Variants in STRN3 observed in about 807,000 individuals in gnomAD.
The protein encoded by STRN3 is striatin-3.
Under a neutral mutation model 95.6 loss-of-function variants are expected in STRN3, and 29 were observed. That is an observed-to-expected ratio of 0.30 (90% CI 0.23 to 0.41). STRN3 has a LOEUF of 0.41. Among genes scored for constraint, STRN3 ranks in the 10% least tolerant of loss-of-function variants. The pLI is 1.00. For missense variants in STRN3, 890 were observed against 972.1 expected (o/e 0.92, Z 1.12); for synonymous variants, 331 against 357.6 (o/e 0.93, Z 0.84).
At chr14:31,017,203 T>G (rs190156425) in intron 1 of STRN3, among the ~76,000 whole-genome samples, 1 of 149,586 alleles carries the variant, frequency 6.7e-6, no homozygotes, top group South Asian at 2.1e-4. Flanking sequence ...GCATTTAGAT[T>G]ATATAAGTAA....
At chr14:30,934,895 A>G (rs1376112314) in intron 7 of STRN3, among the ~76,000 whole-genome samples, 1 of 152,194 alleles carries the variant, frequency 6.6e-6, no homozygotes, top group Non-Finnish European at 1.5e-5. Context: ...AAGAAATTGG[A>G]TTTCCAAATC....
chr14:30,971,771 A>T (rs1296451784), intron 1 of STRN3, among the ~76,000 whole-genome samples: 3 of 152,184 alleles, frequency 2.0e-5, no homozygotes, highest in Admixed American at 2.0e-4. Context: ...GATGGCTAAA[A>T]AAAAAGTAGT....
intron 16 of STRN3, among the ~76,000 whole-genome samples, chr14:30,899,994 C>T (rs757846458): frequency 3.3e-5 from 5 of 152,110 alleles, no homozygotes; most frequent in African/African-American, 4.8e-5. Flanking sequence ...CTTAGCTAAC[C>T]GGAAACAGCA....
rs1241853450 is a variant in STRN3 at position 30,902,190 on chromosome 14, AAAAAAAAAAAAAAAAAAAT to A, written c.2137+327_2137+345del. Among the ~76,000 whole-genome samples the A allele has an allele frequency of 1.5e-4, 21 of 143,562 alleles. 1 individual carries two copies. The highest frequency in any genetic ancestry group is 4.6e-4 in the African/African-American group (17 of 36,818). The allele number at this position is 143,562 out of a possible 152,430, so 94.2% of individuals were successfully genotyped here. On this transcript the variant is annotated intron_variant, in intron 16 of 17. Transcript: ENST00000357479. Reference sequence around the variant, plus strand: ...CCGCCTCAAAAAAAAAAAAAAAAAAAAAAAAAAAAAAAAAAAAATGGAAATGCCAAACACCAGAAAGAGA... The same window carrying A: ...CCGCCTCAAAAAAAAAAAAAAAAAAAGGAAATGCCAAACACCAGAAAGAGA...
At chr14:30,947,979 C>A (rs1009095900) in intron 4 of STRN3, among the ~76,000 whole-genome samples, 3 of 151,690 alleles carry the variant, frequency 2.0e-5, no homozygotes, top group Non-Finnish European at 1.5e-5. Flanking sequence ...GGCAGAAGAA[C>A]AAAAGATTTT....
chr14:30,968,863 G>A (rs997765502), intron 1 of STRN3, among the ~76,000 whole-genome samples: 3 of 152,070 alleles, frequency 2.0e-5, no homozygotes, highest in African/African-American at 7.2e-5. Flanking sequence ...TGTGCAAAGC[G>A]TGTAAGGAAA....
intron 1 of STRN3, among the ~76,000 whole-genome samples, chr14:30,963,888 C>T (rs548182436): frequency 5.9e-5 from 9 of 152,136 alleles, no homozygotes; most frequent in African/African-American, 2.2e-4. Context: ...ACAGGACATA[C>T]CAAAACTTAG....
At chr14:30,965,192 T>A (rs1880423428) in intron 1 of STRN3, among the ~76,000 whole-genome samples, 1 of 152,108 alleles carries the variant, frequency 6.6e-6, no homozygotes, top group African/African-American at 2.4e-5. Flanking sequence ...AGAAAAGAAA[T>A]ATGTCACCTA....
intron 1 of STRN3, among the ~76,000 whole-genome samples, chr14:30,990,776 A>G (rs1165502344): frequency 6.6e-6 from 1 of 152,222 alleles, no homozygotes; most frequent in Non-Finnish European, 1.5e-5. Flanking sequence ...CATATACTTT[A>G]AATTATCTCT....
At chr14:30,950,747 G>A (rs1879597496) in intron 4 of STRN3, 116 bp downstream of exon 4, 1 of 931,100 alleles carries the variant, frequency 1.1e-6, no homozygotes, top group African/African-American at 1.7e-5. Flanking sequence ...AAAAAAAGCA[G>A]CAATACAAAA....
At chr14:31,009,224 G>C (rs1344279456) in intron 1 of STRN3, among the ~76,000 whole-genome samples, 1 of 151,288 alleles carries the variant, frequency 6.6e-6, no homozygotes, top group Admixed American at 6.6e-5. Flanking sequence ...AGACATGAAA[G>C]GATATGAGAT....
chr14:30,905,652 G>A (rs1478685777), intron 14 of STRN3, 94 bp from the exon 15 acceptor site: 3 of 1,334,436 alleles, frequency 2.2e-6, no homozygotes, highest in Admixed American at 2.5e-5. Context: ...TCAGAAAAAG[G>A]AATTCAAATA....
chr14:30,903,011 T>A (rs1176939265), intron 15 of STRN3, among the ~76,000 whole-genome samples: 1 of 152,136 alleles, frequency 6.6e-6, no homozygotes, highest in East Asian at 1.9e-4. Flanking sequence ...GCTAGTCAGA[T>A]GTTTGTAAGG....
chr14:30,929,513 A>G (rs1021560468), intron 7 of STRN3, among the ~76,000 whole-genome samples: 1 of 152,182 alleles, frequency 6.6e-6, no homozygotes, highest in Non-Finnish European at 1.5e-5. Context: ...AACATTTAAT[A>G]TCAACAGTTA....
rs111704762 is a variant in STRN3, at chr14:30,913,746, C to T, written c.1241-89G>A. 1.8e-3 allele frequency: 2,540 copies of T among 1,382,764 alleles called. 29 individuals are homozygous for T. In the African/African-American group the frequency reaches 0.032, roughly 18 times the overall value. The allele number at this position is 1,382,764 out of a possible 1,614,324, so 85.7% of individuals were successfully genotyped here. The stretch of plus-strand genomic sequence containing the variant: ...GGAAAATTTAAGCACTTAACAGTTA[C>T]AATATTCAGTAATATAATTAATTTT... On this transcript the variant is annotated intron_variant, in intron 9 of 17. Transcript: ENST00000357479.
chr14:30,959,737 A>G (rs1490926271), intron 1 of STRN3, among the ~76,000 whole-genome samples: 1 of 152,064 alleles, frequency 6.6e-6, no homozygotes, highest in Non-Finnish European at 1.5e-5. Flanking sequence ...GTGGGGGAGA[A>G]TTGCTTGAGC....
chr14:30,951,314 C>T (rs542484248), intron 3 of STRN3, among the ~76,000 whole-genome samples: 2 of 152,080 alleles, frequency 1.3e-5, no homozygotes, highest in African/African-American at 4.8e-5. Flanking sequence ...CGATTCACTG[C>T]AGTCTCGACT....
At chr14:30,902,171 C>CAAAAAAAAAAAAAAAA (rs71112350) in intron 16 of STRN3, among the ~76,000 whole-genome samples, 1 of 39,850 alleles carries the variant, frequency 2.5e-5, no homozygotes, top group African/African-American at 1.0e-4. Context: ...AACTCCGCCT[C>CAAAAAAAAAAAAAAAA]AAAAAAAAAA....
chr14:30,968,753 G>A (rs1220788194), intron 1 of STRN3, among the ~76,000 whole-genome samples: 4 of 87,408 alleles, frequency 4.6e-5, no homozygotes, highest in African/African-American at 1.3e-4. Context: ...GAAAGTTGTG[G>A]AGAAAAAAAA....
Sources: allele counts gnomAD v4.1 joint callset (sites outside exome capture counted in the v4.1 genomes callset), GRCh38; gene constraint gnomAD v4.1.1; transcripts MANE v1.5; gene names NCBI Gene and HGNC (gene_info 2026-07-23, HGNC 2026-07-21).